FAT2: variants seen among roughly 807,000 people sequenced by gnomAD.
FAT2 encodes the protein FAT atypical cadherin 2.
A neutral mutation model predicts 295.3 loss-of-function variants in FAT2; 150 were observed. The observed-to-expected ratio is 0.51, with a 90% CI of 0.44 to 0.58. The LOEUF is 0.58. FAT2 is among the 20% of genes least tolerant of loss of function. The probability of loss-of-function intolerance (pLI) is 0.00; values close to 1 mark genes in which losing one functional copy is unlikely to be tolerated. For missense variants in FAT2, 4,868 were observed against 5,442.7 expected (o/e 0.89, Z 3.32); for synonymous variants, 2,026 against 2,150.3 (o/e 0.94, Z 1.60).
At position 151,566,087 on chromosome 5, in the gene FAT2, C is replaced by A. The variant is rs761199516; in HGVS notation, c.2845G>T (p.Ala949Ser). 1.9e-5 allele frequency: 31 copies of A among 1,614,184 alleles called. No homozygotes were observed. Among genetic ancestry groups the A allele is most frequent in the Non-Finnish European group, 2.5e-5 (30 of 1,180,030 alleles). Residue 949 changes from alanine (A) to serine (S), a missense_variant, in exon 2 of 24, where the codon GCC (alanine) becomes TCC (serine). Physicochemically the swap from Ala to Ser is moderately conservative, Grantham distance 99. Around this residue, in one of 5 missense-constraint regions of FAT2, gnomAD observed 3,297 missense variants for 3,669.4 expected, o/e 0.90. Transcript: ENST00000261800. ...PPGTVLTFLDASDPDLGPAGE... is the reference protein window; with the variant it reads ...PPGTVLTFLDSSDPDLGPAGE... ...GCGGGGCCCAGGTCAGGATCAGAGG[C>A]ATCCAGAAATGTCAAGACAGTCCCG...
chr5:151,581,569 A>G (rs895398999), intron 1 of FAT2, among the ~76,000 whole-genome samples: 7 of 152,200 alleles, frequency 4.6e-5, no homozygotes, highest in Non-Finnish European at 8.8e-5. Flanking sequence ...TTGAACATTT[A>G]TTGGGTGCCA....
chr5:151,521,311 G>T lies in FAT2; in HGVS notation c.11282C>A (p.Pro3761Gln), dbSNP rs778605213. ...GCAGCTCCTCTGCAGGTGGTGCCGC[G>T]GGGTTAGGATGCTGAGCCTGGCGGT... ...YSTARLSILT[P>Q]RHHLQRSCSC... Residue 3761 changes from proline (P) to glutamine (Q), a missense_variant, in exon 19 of 24, where the codon CCG becomes CAG. Transcript: ENST00000261800. The T allele has an allele frequency of 6.2e-7, 1 of 1,611,948 alleles. No homozygotes were observed. The highest frequency in any genetic ancestry group is 1.7e-5 in the Admixed American group (1 of 59,960).
At chr5:151,529,705 A>G (rs1754383917) in intron 14 of FAT2, among the ~76,000 whole-genome samples, 1 of 152,242 alleles carries the variant, frequency 6.6e-6, no homozygotes, top group Non-Finnish European at 1.5e-5. Context: ...CCTGTGGAGC[A>G]GGGACAATTA....
rs755438717 is a variant in FAT2 at position 151,510,204 on chromosome 5, C to T, written c.11906-30G>A. 125 of 1,612,106 alleles carry T rather than the reference C, an allele frequency of 7.8e-5. No individual in the cohort carries two copies. In the East Asian group the frequency reaches 2.4e-3, roughly 31 times the overall value. On this transcript the variant is annotated intron_variant, in intron 21 of 23. Transcript: ENST00000261800. Reference sequence around the variant, plus strand: ...GAGAAAAAGAAGGGAGGTGAGAGACCGCACTGGCCTAGCAGTTAAAGGAGA... The same window carrying T: ...GAGAAAAAGAAGGGAGGTGAGAGACTGCACTGGCCTAGCAGTTAAAGGAGA...
intron 18 of FAT2, among the ~76,000 whole-genome samples, chr5:151,524,509 A>G (rs753756291): frequency 5.3e-5 from 8 of 152,060 alleles, no homozygotes; most frequent in Non-Finnish European, 1.0e-4. Flanking sequence ...CCATGCTGGC[A>G]CCCCGATCTG....
rs371424610 is a variant in FAT2, at chr5:151,550,558, C to T, written c.4578+32G>A. 5.4e-5 allele frequency: 87 copies of T among 1,610,688 alleles called. No homozygotes were observed. The African/African-American group carries it at 6.1e-4, about 11-fold the overall frequency. Reference sequence around the variant, plus strand: ...CCACCCCTACACATCTACATGCAAACGTATTCTCACCAGATTTTTCCATTT... The same window carrying T: ...CCACCCCTACACATCTACATGCAAATGTATTCTCACCAGATTTTTCCATTT... On this transcript the variant is annotated intron_variant, in intron 8 of 23. Transcript: ENST00000261800.
At chr5:151,563,000 A>G (rs1277278243) in intron 3 of FAT2, among the ~76,000 whole-genome samples, 1 of 152,188 alleles carries the variant, frequency 6.6e-6, no homozygotes, top group African/African-American at 2.4e-5. Context: ...CAGGTTGACC[A>G]ATGGGCAACC....
rs374932287 is a variant in FAT2 at position 151,582,284 on chromosome 5, C to G, written c.-21+8881G>C. On this transcript the variant is annotated intron_variant, in intron 1 of 23. Transcript: ENST00000261800. ...CCCCCTGGGTTCTGTCCACACACACCGACTTTTCTTAGCCAAGGTAACTGC... is the reference window on the plus strand; with the variant it reads ...CCCCCTGGGTTCTGTCCACACACACGGACTTTTCTTAGCCAAGGTAACTGC... Among the ~76,000 whole-genome samples, 9 of 152,312 alleles carry G rather than the reference C, an allele frequency of 5.9e-5. No individual in the cohort carries two copies. The East Asian group carries it at 1.5e-3, about 26-fold the overall frequency.
chr5:151,505,835 C>T lies in FAT2; in HGVS notation c.12780G>A (p.Arg4260=), dbSNP rs1225627020. 5 of 1,613,296 alleles carry T rather than the reference C, an allele frequency of 3.1e-6. No individual in the cohort carries two copies. In the South Asian group the frequency reaches 4.4e-5, roughly 14 times the overall value. The change falls in exon 24 of 24, where the codon CGG becomes CGA. Residue 4260 remains arginine, a synonymous_variant. Coordinates refer to ENST00000261800, the MANE Select transcript of FAT2 (RefSeq NM_001447.3). ...TGAGACAGGGGGCAACCAGGCGCTC[C>T]CGGGGACTAGGGGGCCGAGAGGGCA... ...DLMPSRPPSP[R]ERLVAPCLNE... is the part of the protein sequence containing the mutation.
intron 3 of FAT2, among the ~76,000 whole-genome samples, chr5:151,557,289 A>G (rs142201466): frequency 3.0e-4 from 45 of 152,292 alleles, no homozygotes; most frequent in Non-Finnish European, 5.4e-4. Flanking sequence ...ATTAGGTTCT[A>G]ATTAGGAATT....
chr5:151,565,869 C>A lies in FAT2; in HGVS notation c.3063G>T (p.Leu1021=), dbSNP rs753637046. Residue 1021 remains leucine, a synonymous_variant, in exon 2 of 24, where the codon CTG becomes CTT. Coordinates refer to ENST00000261800, the MANE Select transcript of FAT2 (RefSeq NM_001447.3). ...GAGGGTGGAGATTCTCATTCACATC[C>A]AGGACGATCACCTCCACATGGCAGA... ...RTLCHVEVIV[L]DVNENLHPPH... 6.2e-7 allele frequency: 1 copy of A among 1,614,010 alleles called. No individual in the cohort carries two copies. The highest frequency in any genetic ancestry group is 1.7e-5 in the Admixed American group (1 of 60,028).
chr5:151,529,578 T>A (rs1581340557), intron 14 of FAT2, among the ~76,000 whole-genome samples, 186 bp from the exon 15 acceptor site: 1 of 107,690 alleles, frequency 9.3e-6, no homozygotes, highest in Non-Finnish European at 2.3e-5. Context: ...ATCTCCCTCA[T>A]TTTTCTTTAT....
intron 1 of FAT2, among the ~76,000 whole-genome samples, chr5:151,579,839 C>G (rs972224146): frequency 5.3e-5 from 8 of 151,988 alleles, no homozygotes; most frequent in Non-Finnish European, 1.2e-4. Context: ...ACATGCATGG[C>G]ACCTAGTAGT....
chr5:151,510,619 T>A (rs1761245696), intron 21 of FAT2: 2 of 154,458 alleles, frequency 1.3e-5, no homozygotes, highest in Admixed American at 1.3e-4. Flanking sequence ...ATGGCAAAGC[T>A]GGGGTTCAAA....
rs1490740919 is a variant in FAT2 at position 151,531,532 on chromosome 5, C to A, written c.9811+55G>T. On this transcript the variant is annotated intron_variant, in intron 14 of 23. Coordinates refer to ENST00000261800, the MANE Select transcript of FAT2 (RefSeq NM_001447.3). The surrounding 1 kb of genome is among the most constrained non-coding windows in gnomAD (Gnocchi z 5.7). ...ATACCCACACAGGGGAGGAACCCAG[C>A]GCTCCCAGAAACCCTGTACGCGATG... is the stretch of plus-strand genomic sequence containing the variant. The A allele has an allele frequency of 6.3e-7, 1 of 1,599,370 alleles. No individual in the cohort carries two copies.
intron 22 of FAT2, among the ~76,000 whole-genome samples, chr5:151,508,872 T>C (rs1761098094): frequency 6.6e-6 from 1 of 152,138 alleles, no homozygotes; most frequent in African/African-American, 2.4e-5. Flanking sequence ...ACTGAGAGCT[T>C]GTTAAAAATA....
rs1391044268 is a variant in FAT2 at position 151,543,439 on chromosome 5, C to G, written c.7688G>C (p.Gly2563Ala). Residue 2563 changes from glycine (G) to alanine (A), a missense_variant, in exon 10 of 24, where the codon GGA (glycine) becomes GCA (alanine). Gly to Ala is a moderately conservative substitution (Grantham distance 60). Coordinates refer to ENST00000261800, the MANE Select transcript of FAT2 (RefSeq NM_001447.3). ...CACCGTGCAGAAGGCTACTCTTCCT[C>G]CTCCATCCCGAGCCATGACCTTAAT... The part of the protein sequence containing the change: ...IAIKVMARDG[G>A]GRVAFCTVKI... 4 of 1,614,154 alleles carry G rather than the reference C, an allele frequency of 2.5e-6. No homozygotes were observed. The highest frequency in any genetic ancestry group is 3.4e-6 in the Non-Finnish European group (4 of 1,180,016).
chr5:151,544,636 C>T lies in FAT2; in HGVS notation c.6491G>A (p.Arg2164Lys). 1 of 1,614,134 alleles carries T rather than the reference C, an allele frequency of 6.2e-7. No individual in the cohort carries two copies. Among genetic ancestry groups the T allele is most frequent in the Non-Finnish European group, 8.5e-7 (1 of 1,180,040 alleles). Residue 2164 changes from arginine to lysine, a missense_variant, in exon 10 of 24, where the codon AGA (arginine) becomes AAA (lysine). Arg to Lys is a conservative substitution (Grantham distance 26). Coordinates refer to ENST00000261800, the MANE Select transcript of FAT2 (RefSeq NM_001447.3). Reference protein sequence around the residue: ...QSEEEVLVTVRNKSNPLFQSP... With the variant: ...QSEEEVLVTVKNKSNPLFQSP... ...CTGAAACAGTGGGTTGGATTTATTT[C>T]TCACAGTGACAAGTACCTCTTCCTC...
At chr5:151,539,241 C>A (rs895012880) in intron 11 of FAT2, among the ~76,000 whole-genome samples, 4 of 152,206 alleles carry the variant, frequency 2.6e-5, no homozygotes, top group African/African-American at 9.7e-5. Context: ...ACCAGACTCT[C>A]TTTTTCTACA....
Sources: gnomAD v4.1 joint callset for allele counts (sites outside exome capture counted in the v4.1 genomes callset) on GRCh38, gnomAD v4.1.1 for gene constraint, gnomAD v4.1.1 regional missense constraint, Gnocchi (gnomAD v3.1) non-coding constraint, MANE v1.5 for transcripts, NCBI Gene and HGNC (gene_info 2026-07-23, HGNC 2026-07-21) for gene names.